The following LY9 variants were observed in gnomAD, a reference collection of about 807,000 sequenced individuals.
LY9 encodes the protein lymphocyte antigen 9, also known as T-lymphocyte surface antigen Ly-9.
In LY9, 59 loss-of-function variants were observed where a neutral mutation model predicts 64.6. The observed-to-expected ratio is 0.91, with a 90% CI of 0.74 to 1.13. LY9 has a LOEUF of 1.13. LY9 is among the 50% of genes most tolerant of loss of function. The probability of loss-of-function intolerance (pLI) is 0.00; values close to 1 mark genes in which losing one functional copy is unlikely to be tolerated. For missense variants in LY9, 789 were observed against 797.2 expected, an observed-to-expected ratio of 0.99 and a Z score of 0.12; for synonymous variants, 281 against 308.5, an observed-to-expected ratio of 0.91 and a Z score of 0.93.
intron 7 of LY9, among the ~76,000 whole-genome samples, chr1:160,823,253 T>C (rs1668614848): frequency 6.6e-6 from 1 of 152,182 alleles, no homozygotes; most frequent in Non-Finnish European, 1.5e-5. Flanking sequence ...TCATATTTAA[T>C]ATTTATCAAA....
chr1:160,814,004 G>C (rs12738298), intron 3 of LY9, 93 bp downstream of exon 3: 6 of 1,367,888 alleles, frequency 4.4e-6, no homozygotes, highest in South Asian at 2.8e-5. Context: ...AGACACACAG[G>C]GGGTGGGGAA....
chr1:160,819,014 G>A (rs1668170948), intron 6 of LY9, among the ~76,000 whole-genome samples: 1 of 152,126 alleles, frequency 6.6e-6, no homozygotes. Flanking sequence ...TAGAACACAT[G>A]GGGTCCCTGG....
At chr1:160,797,720 C>A (rs762657027) in intron 1 of LY9, among the ~76,000 whole-genome samples, 3 of 152,052 alleles carry the variant, frequency 2.0e-5, no homozygotes, top group Non-Finnish European at 4.4e-5. Flanking sequence ...GTGAAAAGAC[C>A]CCTCTCACTT....
intron 1 of LY9, chr1:160,799,536 C>G: frequency 5.9e-6 from 3 of 511,670 alleles, no homozygotes; most frequent in Non-Finnish European, 1.0e-5. Context: ...AGATCTGTTT[C>G]ACAGATTGTT....
In LY9 at chr1:160,823,557, C is replaced by A; in HGVS notation, c.1591C>A (p.Pro531Thr). Residue 531 changes from proline (P) to threonine (T), a missense_variant, in exon 8 of 10, where the codon CCC (proline) becomes ACC (threonine). By Grantham distance (38) the Pro-to-Thr change is conservative. Coordinates refer to ENST00000263285, the MANE Select transcript of LY9 (RefSeq NM_002348.4). ...PLRPARQQPTPTSDSSSDSNL... is the reference protein window; with the variant it reads ...PLRPARQQPTTTSDSSSDSNL... ...CAGGCCTGCCAGGCAACAGCCTACACCCACCTCAGACAGCAGCTCTGACAG... is the reference window on the plus strand; with the variant it reads ...CAGGCCTGCCAGGCAACAGCCTACAACCACCTCAGACAGCAGCTCTGACAG... 8.7e-6 allele frequency: 14 copies of A among 1,614,168 alleles called. No individual in the cohort carries two copies. The highest frequency in any genetic ancestry group is 1.2e-5 in the Non-Finnish European group (14 of 1,180,000).
chr1:160,804,645 T>C (rs963546397), intron 2 of LY9, among the ~76,000 whole-genome samples: 2 of 152,188 alleles, frequency 1.3e-5, no homozygotes, highest in African/African-American at 4.8e-5. Context: ...TTTTTAAGAA[T>C]AGTTTTAGGA....
At chr1:160,811,990 T>G (rs1667512030) in intron 2 of LY9, 1 of 152,252 alleles carries the variant, frequency 6.6e-6, no homozygotes. Context: ...TTTTAGAGCT[T>G]CATCCCACTT....
At chr1:160,797,732 A>T (rs1666025554) in intron 1 of LY9, among the ~76,000 whole-genome samples, 1 of 152,200 alleles carries the variant, frequency 6.6e-6, no homozygotes, top group African/African-American at 2.4e-5. Context: ...CTCTCACTTT[A>T]GTATCAGGAA....
At chr1:160,815,918 C>T (rs967821753) in intron 4 of LY9, among the ~76,000 whole-genome samples, 8 of 152,178 alleles carry the variant, frequency 5.3e-5, no homozygotes, top group African/African-American at 9.7e-5. Flanking sequence ...TTTACCTGTT[C>T]CTTCACTTGT....
rs506081 is a variant in LY9, at chr1:160,824,172, G to C, written c.1831-9G>C. ...TCACTAGGGCTCATCTGCTGTTGGT[G>C]TGTTACAGGGAAAGACCCCAGTTTC... On this transcript the variant is annotated splice_polypyrimidine_tract_variant and intron_variant, in intron 8 of 9. Transcript: ENST00000263285. 757,180 of 1,613,082 alleles carry C rather than the reference G, an allele frequency of 0.47. 185,507 individuals are homozygous for C. Among genetic ancestry groups the C allele is most frequent in the East Asian group, 0.73 (32,957 of 44,850 alleles).
At chr1:160,822,006 A>T (rs1668494324) in intron 7 of LY9, among the ~76,000 whole-genome samples, 1 of 152,208 alleles carries the variant, frequency 6.6e-6, no homozygotes, top group East Asian at 1.9e-4. Flanking sequence ...CAGACTAAAT[A>T]AACTTATTCA....
intron 2 of LY9, chr1:160,812,320 A>G (rs981414126): frequency 6.6e-6 from 1 of 152,236 alleles, no homozygotes; most frequent in Non-Finnish European, 1.5e-5. Flanking sequence ...CTATCTCCAA[A>G]TATAGTTCTA....
At chr1:160,797,305 G>A (rs192782758) in intron 1 of LY9, 1 of 985,244 alleles carries the variant, frequency 1.0e-6, no homozygotes, top group African/African-American at 1.7e-5. Context: ...AGCAGTGGGG[G>A]TTGGCAGTTG....
At chr1:160,818,382 C>G (rs1233174771) in intron 6 of LY9, 63 bp downstream of exon 6, 2 of 1,207,924 alleles carry the variant, frequency 1.7e-6, no homozygotes, top group Non-Finnish European at 2.4e-6. Context: ...CTTGTGGAGG[C>G]TTCTCTGCCC....
rs1200510285 is a variant in LY9 at position 160,816,745 on chromosome 1, G to C, written c.1224G>C (p.Gly408=). The change falls in exon 5 of 10, where the codon GGG becomes GGC. Residue 408 remains glycine, a synonymous_variant. Coordinates refer to ENST00000263285, the MANE Select transcript of LY9 (RefSeq NM_002348.4). ...AGAAGGAAGCTGTTGTGTCCCAAGG[G>C]GAATCACACCTCAATGTCTCATGGA... is the stretch of plus-strand genomic sequence containing the variant. ...PLQKEAVVSQ[G]ESHLNVSWRS... The C allele has an allele frequency of 6.2e-7, 1 of 1,614,180 alleles. No individual in the cohort carries two copies. The highest frequency in any genetic ancestry group is 1.1e-5 in the South Asian group (1 of 91,080).
rs1667771865 is a variant in LY9, at chr1:160,814,400, T to A, written c.731-20T>A. The A allele has an allele frequency of 6.4e-7, 1 of 1,568,890 alleles. No homozygotes were observed. The highest frequency in any genetic ancestry group is 8.7e-7 in the Non-Finnish European group (1 of 1,149,424). On this transcript the variant is annotated intron_variant, in intron 3 of 9. Coordinates refer to ENST00000263285, the MANE Select transcript of LY9 (RefSeq NM_002348.4). ...GTAGGGACAGTGACTGAAGCTGCAATGTCTCATCTGTGACCCCAGATCCAG... is the reference window on the plus strand; with the variant it reads ...GTAGGGACAGTGACTGAAGCTGCAAAGTCTCATCTGTGACCCCAGATCCAG...
chr1:160,806,060 C>G (rs1666967974), intron 2 of LY9, among the ~76,000 whole-genome samples: 2 of 149,564 alleles, frequency 1.3e-5, no homozygotes, highest in Admixed American at 1.4e-4. Context: ...GTCTATATAT[C>G]TTTACTGTTA....
chr1:160,819,444 A>G (rs1668209039), intron 7 of LY9, 70 bp downstream of exon 7: 2 of 1,358,492 alleles, frequency 1.5e-6, no homozygotes, highest in Non-Finnish European at 2.1e-6. Flanking sequence ...TTGCTGCTCA[A>G]AGTGTGGTCT....
intron 5 of LY9, among the ~76,000 whole-genome samples, chr1:160,817,525 C>T (rs1668052199): frequency 6.6e-6 from 1 of 152,192 alleles, no homozygotes; most frequent in South Asian, 2.1e-4. Context: ...GGATGTGGAC[C>T]ACACAGGAAC....
Sources: allele counts gnomAD v4.1 joint callset (sites outside exome capture counted in the v4.1 genomes callset), GRCh38; gene constraint gnomAD v4.1.1; transcripts MANE v1.5; gene names NCBI Gene and HGNC (gene_info 2026-07-23, HGNC 2026-07-21).